HIVEP3: variants seen among roughly 807,000 people sequenced by gnomAD.
HIVEP3 encodes the protein HIVEP zinc finger 3, also known as transcription factor HIVEP3.
In HIVEP3, 49 loss-of-function variants were observed where a neutral mutation model predicts 152.8. That is an observed-to-expected ratio of 0.32 (90% CI 0.26 to 0.41). The LOEUF is 0.41. HIVEP3 is among the 10% of genes least tolerant of loss of function. The probability of loss-of-function intolerance (pLI) is 1.00; values close to 1 mark genes in which losing one functional copy is unlikely to be tolerated. For synonymous variants in HIVEP3, 1,269 were observed against 1,289.0 expected (o/e 0.98, Z 0.33); for missense variants, 2,790 against 3,103.3 (o/e 0.90, Z 2.40).
Position 41,918,531 on chromosome 1 carries a change from C to G in HIVEP3, c.-919G>C, listed in dbSNP as rs1020225036. 6.6e-6 allele frequency: 1 copy of G among 152,138 alleles called. No individual in the cohort carries two copies. The highest frequency in any genetic ancestry group is 2.4e-5 in the African/African-American group (1 of 41,424). 9.4% of individuals were successfully genotyped at this position (152,138 alleles called of 1,614,324 possible). A position where few individuals can be genotyped will look rare whatever the true frequency, so the allele number is the denominator to read the frequency against. On this transcript the variant is annotated 5_prime_UTR_variant, in exon 1 of 9. The change abolishes the stop of an existing upstream ORF in the 5' untranslated region. Transcript: ENST00000372583. This position sits in a 1 kb window ranked among gnomAD's most constrained non-coding sequence, Gnocchi z 4.3. ...GCATTTTTTTCATGAACACCTGTTTCAAGTAAGGGGTAAAGACCTTATTGA... is the reference window on the plus strand; with the variant it reads ...GCATTTTTTTCATGAACACCTGTTTGAAGTAAGGGGTAAAGACCTTATTGA...
At chr1:41,542,507 G>A (rs937653582) in intron 5 of HIVEP3, 3 of 152,360 alleles carry the variant, frequency 2.0e-5, no homozygotes, top group East Asian at 1.9e-4. Flanking sequence ...CTCTCCTGAT[G>A]AGAGTCTTGT....
chr1:41,582,711 G>T lies in HIVEP3; in HGVS notation c.2087C>A (p.Ser696Tyr). The T allele has an allele frequency of 6.2e-7, 1 of 1,614,150 alleles. No individual in the cohort carries two copies. Among genetic ancestry groups the T allele is most frequent in the Non-Finnish European group, 8.5e-7 (1 of 1,180,008 alleles). The stretch of plus-strand genomic sequence containing the variant: ...TCCCAGTTTGTAATGCATCATTTGG[G>T]ACCACGGCTCATGCTCAATCTGACT... ...EKSQIEHEPW[S>Y]QMMHYKLGTT... The change falls in exon 4 of 9, where the codon TCC (serine) becomes TAC (tyrosine). Residue 696 changes from serine (S) to tyrosine (Y), a missense_variant. This residue lies in a region of HIVEP3 where 339 missense variants were observed against 327.0 expected (regional missense o/e 1.04). Transcript: ENST00000372583. This position sits in a 1 kb window ranked among gnomAD's most constrained non-coding sequence, Gnocchi z 4.7.
intron 5 of HIVEP3, among the ~76,000 whole-genome samples, chr1:41,537,897 C>T (rs1035454144): frequency 6.6e-6 from 1 of 152,222 alleles, no homozygotes; most frequent in Non-Finnish European, 1.5e-5. Context: ...TTCTAAACAG[C>T]GACGTGAGCT....
At chr1:41,971,938 G>T (rs530957644) in intron 1 of HIVEP3, among the ~76,000 whole-genome samples, 1 of 152,306 alleles carries the variant, frequency 6.6e-6, no homozygotes, top group East Asian at 1.9e-4. Context: ...CTGCCCTCCA[G>T]AGGACGCAGC....
At chr1:41,539,303 C>G (rs1443841985) in intron 5 of HIVEP3, among the ~76,000 whole-genome samples, 1 of 152,184 alleles carries the variant, frequency 6.6e-6, no homozygotes, top group East Asian at 1.9e-4. Flanking sequence ...GTGCTCACAC[C>G]CATGCTCTGA....
At chr1:42,022,671 T>C (rs1038192610) in intron 1 of HIVEP3, among the ~76,000 whole-genome samples, 1 of 152,202 alleles carries the variant, frequency 6.6e-6, no homozygotes, top group Non-Finnish European at 1.5e-5. Context: ...TAAACAATTG[T>C]CTGGTTAAGT....
At position 41,788,322 on chromosome 1, in the gene HIVEP3, G is replaced by A. The variant is rs114374553; in HGVS notation, c.-800-87327C>T. ...CCTGTTTGTGGGCATCTGTAAGACC[G>A]CTTAGAGGACTCCTCAGAATCACTA... On this transcript the variant is annotated intron_variant, in intron 1 of 8. Coordinates refer to ENST00000372583, the MANE Select transcript of HIVEP3 (RefSeq NM_024503.5). Among the ~76,000 whole-genome samples, 651 of 152,312 alleles carry A rather than the reference G, an allele frequency of 4.3e-3. 4 individuals carry two copies. The highest frequency in any genetic ancestry group is 0.014 in the African/African-American group (600 of 41,568).
At chr1:41,749,764 A>C (rs138739410) in intron 1 of HIVEP3, among the ~76,000 whole-genome samples, 1 of 143,986 alleles carries the variant, frequency 6.9e-6, no homozygotes, top group Non-Finnish European at 1.5e-5. Context: ...AAAACAAATA[A>C]GTTGGACTTG....
intron 1 of HIVEP3, among the ~76,000 whole-genome samples, chr1:41,867,199 C>T (rs775536555): frequency 1.7e-4 from 26 of 152,198 alleles, no homozygotes; most frequent in African/African-American, 3.9e-4. Flanking sequence ...GGCCAGCCTC[C>T]GAGACTCTCC....
At chr1:41,853,048 C>A (rs1340102171) in intron 1 of HIVEP3, among the ~76,000 whole-genome samples, 3 of 152,144 alleles carry the variant, frequency 2.0e-5, no homozygotes, top group Non-Finnish European at 4.4e-5. Context: ...TGAAAAGAAA[C>A]AGGGTGGGAG....
At chr1:41,624,012 GC>G (rs143269436) in intron 3 of HIVEP3, among the ~76,000 whole-genome samples, 5,847 of 152,246 alleles carry the variant, frequency 0.038, 146 homozygotes, top group East Asian at 0.096. Context: ...CATTAAAGCA[GC>G]CCCAGGAGCT....
chr1:41,688,618 C>T (rs1362356228), intron 2 of HIVEP3, among the ~76,000 whole-genome samples: 1 of 152,228 alleles, frequency 6.6e-6, no homozygotes, highest in African/African-American at 2.4e-5. Flanking sequence ...CATTGTTCTA[C>T]ACTGTAACAT....
Position 41,581,680 on chromosome 1 carries a change from T to G in HIVEP3, c.3118A>C (p.Arg1040=), listed in dbSNP as rs921771269. The change falls in exon 4 of 9, where the codon AGA becomes CGA. Residue 1040 remains arginine (R), a synonymous_variant. Coordinates refer to ENST00000372583, the MANE Select transcript of HIVEP3 (RefSeq NM_024503.5). The surrounding 1 kb of genome is among the most constrained non-coding windows in gnomAD (Gnocchi z 4.5). The part of the protein sequence containing the change: ...APPARVAPPE[R]RKCFLVRQAS... ...TGTCTCACCAAGAAGCATTTTCTTC[T>G]CTCTGGCGGGGCCACCCGCGCTGGT... 1 of 1,614,032 alleles carries G rather than the reference T, an allele frequency of 6.2e-7. No homozygotes were observed. The highest frequency in any genetic ancestry group is 8.5e-7 in the Non-Finnish European group (1 of 1,179,984).
intron 1 of HIVEP3, among the ~76,000 whole-genome samples, chr1:41,981,738 C>A (rs1393436920): frequency 1.3e-5 from 2 of 152,158 alleles, no homozygotes; most frequent in African/African-American, 4.8e-5. Context: ...TCACTGCTTT[C>A]GCTGGATTCA....
intron 1 of HIVEP3, among the ~76,000 whole-genome samples, chr1:41,851,834 T>C (rs1478535627): frequency 6.6e-6 from 1 of 152,164 alleles, no homozygotes; most frequent in Non-Finnish European, 1.5e-5. Context: ...ACAGAAAGCA[T>C]GCTGGTGAGT....
intron 1 of HIVEP3, among the ~76,000 whole-genome samples, chr1:41,772,283 AGAG>A (rs1342751051): frequency 2.0e-5 from 3 of 152,192 alleles, no homozygotes; most frequent in African/African-American, 7.2e-5. Flanking sequence ...AATCCTGCTG[AGAG>A]GAGAACGAGA....
chr1:41,916,930 T>C (rs1361118217), intron 1 of HIVEP3, among the ~76,000 whole-genome samples: 2 of 152,060 alleles, frequency 1.3e-5, no homozygotes, highest in Non-Finnish European at 2.9e-5. Flanking sequence ...AATTACCAAA[T>C]GAAAGTTCAG....
intron 1 of HIVEP3, among the ~76,000 whole-genome samples, chr1:41,872,275 C>T (rs148761602): frequency 1.3e-5 from 2 of 152,292 alleles, no homozygotes; most frequent in East Asian, 1.9e-4. Flanking sequence ...GTACAGAAAA[C>T]GGAAGTGAGG....
chr1:41,771,228 A>C (rs1299455921), intron 1 of HIVEP3, among the ~76,000 whole-genome samples: 1 of 152,150 alleles, frequency 6.6e-6, no homozygotes, highest in Non-Finnish European at 1.5e-5. Context: ...ATTTCAAAAA[A>C]TAATTTCAAT....
Sources: allele counts gnomAD v4.1 joint callset (sites outside exome capture counted in the v4.1 genomes callset), GRCh38; gene constraint gnomAD v4.1.1; regional missense constraint gnomAD v4.1.1; non-coding constraint Gnocchi (gnomAD v3.1); transcripts MANE v1.5; gene names NCBI Gene and HGNC (gene_info 2026-07-23, HGNC 2026-07-21).